SNX24: variants seen among roughly 807,000 people sequenced by gnomAD.
The protein encoded by SNX24 is sorting nexin-24.
A neutral mutation model predicts 28.7 loss-of-function variants in SNX24; 22 were observed. The ratio of observed to expected loss-of-function variants is 0.77; its 90% CI spans 0.55 to 1.10. The LOEUF is 1.10. Ranked by LOEUF, SNX24 falls within the 50% of genes least tolerant of loss-of-function variation. The pLI is 0.00. For missense variants in SNX24, 221 were observed against 201.1 expected, an observed-to-expected ratio of 1.10 and a Z score of -0.60; for synonymous variants, 69 against 71.5, an observed-to-expected ratio of 0.96 and a Z score of 0.18.
At chr5:122,871,488 C>G (rs1755977327) in intron 1 of SNX24, among the ~76,000 whole-genome samples, 1 of 152,192 alleles carries the variant, frequency 6.6e-6, no homozygotes, top group African/African-American at 2.4e-5. Flanking sequence ...GCTTTTCTGG[C>G]TGGGCGCGGT....
chr5:123,019,327 T>C (rs762664252), intron 5 of SNX24, among the ~76,000 whole-genome samples: 2 of 151,542 alleles, frequency 1.3e-5, no homozygotes, highest in Non-Finnish European at 2.9e-5. Context: ...GGGCTTTGAA[T>C]TTCCAAGCTT....
intron 1 of SNX24, among the ~76,000 whole-genome samples, chr5:122,911,038 C>T (rs910197449): frequency 1.4e-4 from 21 of 152,164 alleles, no homozygotes; most frequent in Non-Finnish European, 2.9e-4. Context: ...CCTGAGGAAT[C>T]GCCACAGTGA....
intron 3 of SNX24, among the ~76,000 whole-genome samples, chr5:122,986,181 A>G (rs1430924746): frequency 1.3e-5 from 2 of 152,180 alleles, no homozygotes; most frequent in African/African-American, 4.8e-5. Flanking sequence ...TTGTTGTTCA[A>G]AGAAATACTG....
intron 2 of SNX24, among the ~76,000 whole-genome samples, chr5:122,939,365 C>T (rs1440058990): frequency 1.3e-5 from 2 of 152,012 alleles, no homozygotes; most frequent in Non-Finnish European, 2.9e-5. Context: ...AGTTGTAGCC[C>T]CTCTTTCAAT....
intron 1 of SNX24, among the ~76,000 whole-genome samples, chr5:122,881,041 C>T (rs1289886964): frequency 2.0e-5 from 3 of 152,160 alleles, no homozygotes; most frequent in African/African-American, 4.8e-5. Context: ...TATCAGTGTG[C>T]AGTAATTTTA....
intron 1 of SNX24, among the ~76,000 whole-genome samples, chr5:122,848,910 T>G (rs1754774439): frequency 1.3e-5 from 2 of 152,190 alleles, no homozygotes; most frequent in African/African-American, 4.8e-5. Flanking sequence ...AAAAAATAAA[T>G]GGCAAGATTT....
chr5:122,930,473 G>T (rs1203217461), intron 1 of SNX24, among the ~76,000 whole-genome samples: 1 of 152,166 alleles, frequency 6.6e-6, no homozygotes, highest in African/African-American at 2.4e-5. Context: ...GGGTCATCCT[G>T]ATCTTTGTTT....
At chr5:123,002,633 A>G (rs980950404) in intron 6 of SNX24, among the ~76,000 whole-genome samples, 10 of 152,336 alleles carry the variant, frequency 6.6e-5, no homozygotes, top group South Asian at 4.1e-4. Context: ...CTCCGTCTCA[A>G]AAAAAAGCCT....
intron 1 of SNX24, among the ~76,000 whole-genome samples, chr5:122,891,627 C>G (rs1467303362): frequency 6.6e-6 from 1 of 152,140 alleles, no homozygotes; most frequent in Non-Finnish European, 1.5e-5. Context: ...GTAATACATA[C>G]TCCCAAAGAA....
At chr5:123,024,095 T>G (rs1050845651) in intron 5 of SNX24, 6 of 1,474,324 alleles carry the variant, frequency 4.1e-6, no homozygotes, top group Non-Finnish European at 5.5e-6. Context: ...AAAGCCCAAG[T>G]GGGAAGGAAA....
intron 6 of SNX24, among the ~76,000 whole-genome samples, chr5:123,004,422 C>G (rs1007474225): frequency 1.3e-5 from 2 of 152,176 alleles, no homozygotes; most frequent in Admixed American, 6.5e-5. Context: ...ATCTGTTTCT[C>G]CTCCTTCAAA....
At chr5:122,978,379 G>A (rs909872610) in intron 3 of SNX24, among the ~76,000 whole-genome samples, 4 of 152,248 alleles carry the variant, frequency 2.6e-5, no homozygotes, top group South Asian at 2.1e-4. Context: ...AACAAAAGCC[G>A]TCTTCTCAGG....
intron 1 of SNX24, among the ~76,000 whole-genome samples, chr5:122,916,801 C>T (rs1216475889): frequency 6.6e-6 from 1 of 152,126 alleles, no homozygotes; most frequent in African/African-American, 2.4e-5. Context: ...GTCAATTCAG[C>T]CTTATCGGGG....
rs1326429192 is a variant in SNX24 at position 123,008,159 on chromosome 5, A to G, written c.*410A>G. ...GTAGCTTTTTTGTTCAGATCTTATG[A>G]CACACTACTCTTCTCACCGTGAGAT... On this transcript the variant is annotated 3_prime_UTR_variant, in exon 7 of 7. Coordinates refer to ENST00000261369, the MANE Select transcript of SNX24 (RefSeq NM_014035.4). The G allele has an allele frequency of 2.6e-5, 26 of 992,362 alleles. No individual in the cohort carries two copies. Among genetic ancestry groups the G allele is most frequent in the Non-Finnish European group, 3.1e-5 (26 of 834,950 alleles). The allele number at this position is 992,362 out of a possible 1,614,324, so 61.5% of individuals were successfully genotyped here. A position where few individuals can be genotyped will look rare whatever the true frequency, so the allele number is the denominator to read the frequency against.
intron 1 of SNX24, among the ~76,000 whole-genome samples, chr5:122,919,277 T>G (rs889946657): frequency 6.6e-6 from 1 of 152,130 alleles, no homozygotes; most frequent in Non-Finnish European, 1.5e-5. Context: ...GCAGAGAAAC[T>G]CTAAGAGATT....
intron 1 of SNX24, among the ~76,000 whole-genome samples, chr5:122,849,597 A>AG (rs1349975520): frequency 1.3e-5 from 2 of 150,270 alleles, no homozygotes; most frequent in Admixed American, 6.6e-5. Flanking sequence ...GCCCCCAAAA[A>AG]AGGGGGGGGG....
At chr5:122,938,005 G>T (rs1759250381) in intron 2 of SNX24, among the ~76,000 whole-genome samples, 1 of 152,130 alleles carries the variant, frequency 6.6e-6, no homozygotes, top group African/African-American at 2.4e-5. Flanking sequence ...GCCTTGCCCA[G>T]CCTCTGTTGA....
At position 123,014,871 on chromosome 5, in the gene SNX24, T is replaced by C. The variant is rs1405641581; in HGVS notation, n.383+12867T>C. Among the ~76,000 whole-genome samples, 8 of 152,330 alleles carry C rather than the reference T, an allele frequency of 5.3e-5. No individual in the cohort carries two copies. The South Asian group carries it at 6.2e-4, about 12-fold the overall frequency. Reference sequence around the variant, plus strand: ...AACCTTGGTCTCTCCACAAGACCTTTGGACCTGCCAGTCTCTGCCTGAAAC... The same window carrying C: ...AACCTTGGTCTCTCCACAAGACCTTCGGACCTGCCAGTCTCTGCCTGAAAC... On this transcript the variant is annotated intron_variant and non_coding_transcript_variant, in intron 5 of 5. Coordinates refer to the SNX24 transcript ENST00000502387.
chr5:122,929,347 C>T (rs185647029), intron 1 of SNX24, among the ~76,000 whole-genome samples: 1 of 152,172 alleles, frequency 6.6e-6, no homozygotes, highest in African/African-American at 2.4e-5. Flanking sequence ...TCCCTGAGAG[C>T]AAATTTTGCC....
Sources: allele counts gnomAD v4.1 joint callset (sites outside exome capture counted in the v4.1 genomes callset), GRCh38; gene constraint gnomAD v4.1.1; transcripts MANE v1.5; gene names NCBI Gene and HGNC (gene_info 2026-07-23, HGNC 2026-07-21).